Variants in HTR7 observed in about 807,000 individuals in gnomAD.
The protein encoded by HTR7 is 5-hydroxytryptamine receptor 7, also known as 5-HT-7.
In HTR7, 16 loss-of-function variants were observed where a neutral mutation model predicts 34.0. That is an observed-to-expected ratio of 0.47 (90% CI 0.32 to 0.71). HTR7 has a LOEUF of 0.71. Among genes scored for constraint, HTR7 ranks in the 30% least tolerant of loss-of-function variants. HTR7 has a pLI of 0.04. For missense variants in HTR7, 504 were observed against 625.5 expected, an observed-to-expected ratio of 0.81 and a Z score of 2.07; for synonymous variants, 265 against 260.2, an observed-to-expected ratio of 1.02 and a Z score of -0.18.
At chr10:90,757,486 A>G (rs944339394) in intron 1 of HTR7, among the ~76,000 whole-genome samples, 13 of 152,216 alleles carry the variant, frequency 8.5e-5, no homozygotes, top group African/African-American at 2.7e-4. Flanking sequence ...ACATCTAATG[A>G]GTATTCAGAG....
At chr10:90,790,537 G>A (rs943363705) in intron 1 of HTR7, among the ~76,000 whole-genome samples, 3 of 152,052 alleles carry the variant, frequency 2.0e-5, no homozygotes, top group African/African-American at 4.8e-5. Context: ...TCTGCCAAAC[G>A]GTGACAAATT....
chr10:90,804,964 T>A (rs937205216), intron 1 of HTR7, among the ~76,000 whole-genome samples: 2 of 152,164 alleles, frequency 1.3e-5, no homozygotes, highest in Non-Finnish European at 2.9e-5. Flanking sequence ...GGGAGGAAAA[T>A]TTTGTTTTTC....
chr10:90,755,198 T>C (rs1327457469), intron 1 of HTR7, among the ~76,000 whole-genome samples: 1 of 152,234 alleles, frequency 6.6e-6, no homozygotes, highest in African/African-American at 2.4e-5. Flanking sequence ...AACAGTTTGC[T>C]TCCAGTTTAG....
At chr10:90,746,296 T>G (rs115831105) in intron 2 of HTR7, among the ~76,000 whole-genome samples, 1,825 of 152,298 alleles carry the variant, frequency 0.012, 33 homozygotes, top group African/African-American at 0.037. Flanking sequence ...GTGCTACATT[T>G]TAAAGATTAC....
chr10:90,757,384 A>C (rs1161723183), intron 1 of HTR7, among the ~76,000 whole-genome samples: 1 of 152,228 alleles, frequency 6.6e-6, no homozygotes, highest in East Asian at 1.9e-4. Flanking sequence ...AGAACTTGTC[A>C]TCTTTCAGGA....
chr10:90,747,503 C>A (rs1258150300), intron 2 of HTR7, among the ~76,000 whole-genome samples: 2 of 152,134 alleles, frequency 1.3e-5, no homozygotes, highest in African/African-American at 4.8e-5. Context: ...CTACACTCAG[C>A]TTAAGAATTA....
Position 90,857,435 on chromosome 10 carries a change from G to C in HTR7, c.237C>G (p.Val79=). The C allele has an allele frequency of 1.9e-6, 3 of 1,614,006 alleles. No homozygotes were observed. The highest frequency in any genetic ancestry group is 2.5e-6 in the Non-Finnish European group (3 of 1,180,030). Residue 79 remains valine, a synonymous_variant, in exon 1 of 4, where the codon GTC becomes GTG. Transcript: ENST00000336152. The surrounding 1 kb of genome is among the most constrained non-coding windows in gnomAD (Gnocchi z 6.5). ...GGATGGAGCCGATCACAACTTTCTCGACTCTGCCGTAGTTGATCTGTTCCC... is the reference window on the plus strand; with the variant it reads ...GGATGGAGCCGATCACAACTTTCTCCACTCTGCCGTAGTTGATCTGTTCCC... ...GCGEQINYGR[V]EKVVIGSILT...
chr10:90,839,497 G>C (rs1846296642), intron 1 of HTR7, among the ~76,000 whole-genome samples: 1 of 152,140 alleles, frequency 6.6e-6, no homozygotes, highest in Non-Finnish European at 1.5e-5. Context: ...CTCTTTTAGA[G>C]AATGGAATAT....
chr10:90,750,339 T>G (rs907560519), intron 1 of HTR7, among the ~76,000 whole-genome samples: 3 of 152,146 alleles, frequency 2.0e-5, no homozygotes, highest in Admixed American at 2.0e-4. Flanking sequence ...AATCCAACAT[T>G]TTCTCTGTGC....
At chr10:90,820,943 T>C (rs1434395872) in intron 1 of HTR7, among the ~76,000 whole-genome samples, 3 of 152,190 alleles carry the variant, frequency 2.0e-5, no homozygotes, top group African/African-American at 7.2e-5. Flanking sequence ...GAAGGTATTA[T>C]CAACCCAGTT....
intron 1 of HTR7, among the ~76,000 whole-genome samples, chr10:90,851,435 T>C (rs1846497536): frequency 6.6e-6 from 1 of 151,478 alleles, no homozygotes; most frequent in South Asian, 2.1e-4. Context: ...TGAAACCCCG[T>C]CTCTACTAAA....
At chr10:90,771,003 C>A (rs751362506) in intron 1 of HTR7, among the ~76,000 whole-genome samples, 1 of 152,220 alleles carries the variant, frequency 6.6e-6, no homozygotes, top group Non-Finnish European at 1.5e-5. Context: ...AAGCCCCAGG[C>A]TCAGCCAGAG....
At chr10:90,837,160 G>A (rs963657622) in intron 1 of HTR7, among the ~76,000 whole-genome samples, 1 of 152,168 alleles carries the variant, frequency 6.6e-6, no homozygotes, top group African/African-American at 2.4e-5. Context: ...ACGGCCTGTA[G>A]AAGATTAATC....
chr10:90,757,536 G>A (rs1259060157), intron 1 of HTR7, among the ~76,000 whole-genome samples: 2 of 152,286 alleles, frequency 1.3e-5, no homozygotes, highest in South Asian at 2.1e-4. Flanking sequence ...CTCAGCTGCG[G>A]TAGAATCTAC....
chr10:90,778,568 A>G (rs2063176338), intron 1 of HTR7, among the ~76,000 whole-genome samples: 1 of 152,210 alleles, frequency 6.6e-6, no homozygotes, highest in Non-Finnish European at 1.5e-5. Context: ...TTTAGGTATT[A>G]TGTTACAAAC....
intron 1 of HTR7, among the ~76,000 whole-genome samples, chr10:90,808,869 C>T (rs981607832): frequency 2.0e-5 from 3 of 152,158 alleles, no homozygotes; most frequent in African/African-American, 7.2e-5. Flanking sequence ...CAGAAAATGG[C>T]ACTTTCAATT....
chr10:90,778,898 TACA>T (rs1178562904), intron 1 of HTR7, among the ~76,000 whole-genome samples: 1 of 152,216 alleles, frequency 6.6e-6, no homozygotes, highest in Non-Finnish European at 1.5e-5. Context: ...ACTCTCCAGA[TACA>T]ACTTCAAAAC....
chr10:90,804,083 A>T (rs79815233), intron 1 of HTR7, among the ~76,000 whole-genome samples: 2 of 152,314 alleles, frequency 1.3e-5, no homozygotes, highest in African/African-American at 4.8e-5. Flanking sequence ...AGAAGGAGCA[A>T]CTGAGCATCA....
At chr10:90,851,263 G>GA (rs1306126934) in intron 1 of HTR7, among the ~76,000 whole-genome samples, 1 of 152,162 alleles carries the variant, frequency 6.6e-6, no homozygotes, top group South Asian at 2.1e-4. Flanking sequence ...AAGTTCTGGG[G>GA]AAAAAAACTA....
Sources: allele counts gnomAD v4.1 joint callset (sites outside exome capture counted in the v4.1 genomes callset), GRCh38; gene constraint gnomAD v4.1.1; non-coding constraint Gnocchi (gnomAD v3.1); transcripts MANE v1.5; gene names NCBI Gene and HGNC (gene_info 2026-07-23, HGNC 2026-07-21).